Variants in CNKSR2 observed in about 807,000 individuals in gnomAD.
The protein encoded by CNKSR2 is connector enhancer of kinase suppressor of Ras 2.
A neutral mutation model predicts 84.4 loss-of-function variants in CNKSR2; 14 were observed. The ratio of observed to expected loss-of-function variants is 0.17; its 90% confidence interval spans 0.11 to 0.26. The LOEUF is 0.26. Among genes scored for constraint, CNKSR2 ranks in the 10% least tolerant of loss-of-function variants. The probability of loss-of-function intolerance (pLI) is 1.00; values close to 1 mark genes in which losing one functional copy is unlikely to be tolerated. For synonymous variants in CNKSR2, 275 were observed against 277.9 expected (o/e 0.99, Z 0.10); for missense variants, 485 against 771.2 (o/e 0.63, Z 4.40).
At chrX:21,472,821 T>A (rs1237792113) in intron 5 of CNKSR2, among the ~76,000 whole-genome samples, 1 of 111,287 alleles carries the variant, frequency 9.0e-6, no homozygotes. Flanking sequence ...CTGTGGGATT[T>A]CTCTTGTACA....
intron 8 of CNKSR2, among the ~76,000 whole-genome samples, chrX:21,512,539 T>C (rs2091684125): frequency 9.0e-6 from 1 of 111,430 alleles, no homozygotes; most frequent in Non-Finnish European, 1.9e-5. Flanking sequence ...ACTTCTACAC[T>C]GTAGCAGTAT....
chrX:21,607,563 G>GGA (rs1436233220), intron 19 of CNKSR2, among the ~76,000 whole-genome samples: 1 of 111,490 alleles, frequency 9.0e-6, no homozygotes, highest in African/African-American at 3.3e-5. Flanking sequence ...CAGCACTTTG[G>GGA]GAGGCCAAGG....
chrX:21,571,574 G>A, intron 13 of CNKSR2, among the ~76,000 whole-genome samples: 1 of 111,873 alleles, frequency 8.9e-6, no homozygotes, highest in Non-Finnish European at 1.9e-5. Context: ...CTGCAGAACT[G>A]AAAGGAACTG....
At chrX:21,523,728 C>T (rs1369546595) in intron 9 of CNKSR2, among the ~76,000 whole-genome samples, 1 of 110,445 alleles carries the variant, frequency 9.1e-6, no homozygotes, top group Non-Finnish European at 1.9e-5. Context: ...ACTTAAATGG[C>T]TATTGGTGAT....
chrX:21,527,073 C>A, intron 10 of CNKSR2, 73 bp downstream of exon 10: 1 of 939,037 alleles, frequency 1.1e-6, no homozygotes, highest in Non-Finnish European at 1.5e-6. Context: ...ACTGCAAAGT[C>A]AATTCTGAAG....
chrX:21,486,187 A>G (rs1388707224), intron 5 of CNKSR2, among the ~76,000 whole-genome samples: 1 of 112,275 alleles, frequency 8.9e-6, no homozygotes, highest in Non-Finnish European at 1.9e-5. Flanking sequence ...GCAAATAATA[A>G]CAGTGGTTAC....
At chrX:21,560,544 A>G (rs1049717225) in intron 11 of CNKSR2, among the ~76,000 whole-genome samples, 2 of 111,430 alleles carry the variant, frequency 1.8e-5, no homozygotes, top group African/African-American at 3.3e-5. Flanking sequence ...TATTATCAGA[A>G]TCATAATAAC....
At chrX:21,645,270 C>G (rs1416602166) in intron 20 of CNKSR2, 1 of 111,737 alleles carries the variant, frequency 8.9e-6, no homozygotes, top group East Asian at 2.8e-4. Context: ...TTATGATCCT[C>G]AAATCCATCA....
chrX:21,484,587 A>T (rs2091359934), intron 5 of CNKSR2, among the ~76,000 whole-genome samples: 1 of 111,575 alleles, frequency 9.0e-6, no homozygotes, highest in Non-Finnish European at 1.9e-5. Context: ...GTATATACGT[A>T]TATACCCAAA....
At chrX:21,551,978 G>T (rs972445457) in intron 11 of CNKSR2, among the ~76,000 whole-genome samples, 1 of 110,224 alleles carries the variant, frequency 9.1e-6, no homozygotes, top group African/African-American at 3.3e-5. Flanking sequence ...TTCATTTAAG[G>T]TTGTTAGCGT....
chrX:21,448,493 A>G (rs887209616), intron 4 of CNKSR2, among the ~76,000 whole-genome samples: 8 of 111,796 alleles, frequency 7.2e-5, no homozygotes, highest in Admixed American at 9.5e-5. Context: ...TTAAGCATTT[A>G]TTATATCATA....
chrX:21,406,701 C>T (rs1469606215), intron 1 of CNKSR2, among the ~76,000 whole-genome samples: 1 of 111,226 alleles, frequency 9.0e-6, no homozygotes, highest in African/African-American at 3.3e-5. Flanking sequence ...TATGATCTCC[C>T]CTCTCCATTC....
At chrX:21,413,943 T>G (rs571881580) in intron 1 of CNKSR2, among the ~76,000 whole-genome samples, 2 of 110,290 alleles carry the variant, frequency 1.8e-5, no homozygotes, top group African/African-American at 6.6e-5. Context: ...AAAATACCAA[T>G]GACATTCTTC....
intron 4 of CNKSR2, among the ~76,000 whole-genome samples, chrX:21,445,895 G>A (rs2090848301): frequency 9.0e-6 from 1 of 111,458 alleles, no homozygotes. Flanking sequence ...TATGAATAGT[G>A]CTGTAGTAAA....
intron 6 of CNKSR2, chrX:21,493,127 A>G (rs986127968): frequency 8.9e-6 from 1 of 112,422 alleles, no homozygotes; most frequent in Non-Finnish European, 1.9e-5. Context: ...AATCTCCTAG[A>G]ATTTCTTAGG....
intron 5 of CNKSR2, among the ~76,000 whole-genome samples, chrX:21,484,454 G>A (rs752758881): frequency 1.6e-4 from 18 of 111,461 alleles, no homozygotes; most frequent in Non-Finnish European, 3.2e-4. Context: ...TTGATAATAA[G>A]CCTGAATTGT....
intron 20 of CNKSR2, chrX:21,642,923 G>A: frequency 2.0e-6 from 1 of 508,842 alleles, no homozygotes; most frequent in Non-Finnish European, 2.4e-6. Flanking sequence ...TATATATAAT[G>A]ATGGTTCTGG....
chrX:21,567,643 A>G (rs771434758), intron 13 of CNKSR2, among the ~76,000 whole-genome samples: 1 of 111,836 alleles, frequency 8.9e-6, no homozygotes, highest in African/African-American at 3.3e-5. Context: ...CAATATGCCC[A>G]TCAGCCAAGC....
chrX:21,471,451 A>G (rs764126176), intron 5 of CNKSR2, among the ~76,000 whole-genome samples: 1 of 112,083 alleles, frequency 8.9e-6, no homozygotes, highest in African/African-American at 3.2e-5. Context: ...GTGTGAAATC[A>G]TGTCATTTCT....
Sources: allele counts gnomAD v4.1 joint callset (sites outside exome capture counted in the v4.1 genomes callset), GRCh38; gene constraint gnomAD v4.1.1; transcripts MANE v1.5; gene names NCBI Gene and HGNC (gene_info 2026-07-23, HGNC 2026-07-21).